The following PDE4C variants were observed in gnomAD, a reference collection of about 807,000 sequenced individuals.
The protein encoded by PDE4C is 3',5'-cyclic-AMP phosphodiesterase 4C.
Under a neutral mutation model 63.9 loss-of-function variants are expected in PDE4C, and 50 were observed. The ratio of observed to expected loss-of-function variants is 0.78; its 90% confidence interval spans 0.62 to 0.99. The LOEUF is 0.99. Among genes scored for constraint, PDE4C ranks in the 50% least tolerant of loss-of-function variants. The pLI, the probability that PDE4C is intolerant of heterozygous loss-of-function variation, is 0.00. For missense variants in PDE4C, 777 were observed against 899.1 expected, an observed-to-expected ratio of 0.86 and a Z score of 1.74; for synonymous variants, 377 against 385.1, an observed-to-expected ratio of 0.98 and a Z score of 0.25.
At chr19:18,231,930 G>C (rs1192573039) in intron 1 of PDE4C, among the ~76,000 whole-genome samples, 1 of 151,906 alleles carries the variant, frequency 6.6e-6, no homozygotes, top group African/African-American at 2.4e-5. Context: ...GAAACTTCCT[G>C]TGCACGAGCT....
chr19:18,212,371 C>A (rs924177909), intron 13 of PDE4C, among the ~76,000 whole-genome samples: 1 of 151,600 alleles, frequency 6.6e-6, no homozygotes, highest in Admixed American at 6.6e-5. Flanking sequence ...TTTGTAGAGA[C>A]GGGGTGTTGC....
chr19:18,244,072 C>A (rs1170311031), intron 1 of PDE4C, among the ~76,000 whole-genome samples: 1 of 151,810 alleles, frequency 6.6e-6, no homozygotes, highest in African/African-American at 2.4e-5. Context: ...CAGGGTTTCA[C>A]CCTGTTGGCC....
At chr19:18,218,089 T>C in intron 11 of PDE4C, 60 bp downstream of exon 11, 1 of 1,272,880 alleles carries the variant, frequency 7.9e-7, no homozygotes, top group Non-Finnish European at 1.1e-6. Flanking sequence ...GATCACCTGG[T>C]GGACAGGGTG....
At chr19:18,214,230 G>A (rs868197989) in intron 12 of PDE4C, among the ~76,000 whole-genome samples, 16 of 149,280 alleles carry the variant, frequency 1.1e-4, no homozygotes, top group African/African-American at 1.7e-4. Flanking sequence ...AGATCTGGGC[G>A]ACAGAGCAAG....
In PDE4C at chr19:18,218,035, CAT is replaced by C; in HGVS notation, c.1234+112_1234+113del. ...GGAGGGAAAACTGTCATAGTCATTT[CAT>C]AGACAGGGAGACTGGGCTCAGGGCA... On this transcript the variant is annotated intron_variant, in intron 11 of 14. Transcript: ENST00000262805. 5.1e-6 allele frequency: 4 copies of C among 788,946 alleles called. No homozygotes were observed. The East Asian group carries it at 7.4e-5, about 15-fold the overall frequency. 48.9% of individuals were successfully genotyped at this position (788,946 alleles called of 1,614,324 possible).
At chr19:18,224,296 C>A in intron 1 of PDE4C, 1 of 985,468 alleles carries the variant, frequency 1.0e-6, no homozygotes, top group South Asian at 4.7e-5. Context: ...CAACCGGGAC[C>A]GCCTGAGACT....
intron 1 of PDE4C, among the ~76,000 whole-genome samples, chr19:18,239,390 T>C (rs1474369520): frequency 6.6e-6 from 1 of 152,188 alleles, no homozygotes; most frequent in African/African-American, 2.4e-5. Flanking sequence ...GTGTGAGCTC[T>C]TCAGCGCAAC....
At chr19:18,233,295 G>C in exon 1 of PDE4C, 1 of 1,491,396 alleles carries the variant, frequency 6.7e-7, no homozygotes, top group Non-Finnish European at 9.0e-7. Flanking sequence ...CGGGAGTGGA[G>C]GCGACAGCGA....
intron 1 of PDE4C, among the ~76,000 whole-genome samples, chr19:18,232,317 C>T (rs181576240): frequency 6.6e-6 from 1 of 151,610 alleles, no homozygotes; most frequent in East Asian, 1.9e-4. Context: ...GAGCCATGAT[C>T]GAGACACTGC....
chr19:18,233,648 G>A (rs1968898717), exon 1 of PDE4C: 1 of 384,128 alleles, frequency 2.6e-6, no homozygotes, highest in Admixed American at 3.5e-5. Context: ...CTCGCACCGT[G>A]TTGAAAGAGA....
At chr19:18,243,513 G>GGA (rs1969078861) in intron 1 of PDE4C, among the ~76,000 whole-genome samples, 1 of 151,848 alleles carries the variant, frequency 6.6e-6, no homozygotes, top group African/African-American at 2.4e-5. Context: ...AAAATTGGGG[G>GGA]AAGCACCAGG....
intron 12 of PDE4C, 95 bp downstream of exon 12, chr19:18,216,646 G>T: frequency 7.9e-7 from 1 of 1,266,766 alleles, no homozygotes; most frequent in Non-Finnish European, 1.1e-6. Flanking sequence ...TGAACCGCCG[G>T]CCATGCCAAT....
Position 18,220,955 on chromosome 19 carries a change from C to T in PDE4C, c.450-32G>A, listed in dbSNP as rs768686893. 1 of 1,584,278 alleles carries T rather than the reference C, an allele frequency of 6.3e-7. No individual in the cohort carries two copies. Among genetic ancestry groups the T allele is most frequent in the Non-Finnish European group, 8.6e-7 (1 of 1,166,938 alleles). ...TACAGCAGCCTCAGGCGTGGCTGCTCCGCCCATCTCGCCCCGCCCCCAAGT... is the reference window on the plus strand; with the variant it reads ...TACAGCAGCCTCAGGCGTGGCTGCTTCGCCCATCTCGCCCCGCCCCCAAGT... On this transcript the variant is annotated intron_variant, in intron 4 of 14. Transcript: ENST00000262805. The surrounding 1 kb of genome is among the most constrained non-coding windows in gnomAD (Gnocchi z 5.1).
intron 1 of PDE4C, 146 bp from the exon 2 acceptor site, chr19:18,222,469 A>T: frequency 1.6e-6 from 1 of 639,184 alleles, no homozygotes; most frequent in South Asian, 1.9e-5. Flanking sequence ...CCCCAGCTAC[A>T]CCCTCAGGAA....
Position 18,220,764 on chromosome 19 carries a change from G to T in PDE4C, c.499+110C>A. ...CGAGGGCGTTATTGTTTTTGCAGGG[G>T]CGGGGCTACAATTAGCCCCAGTATA... On this transcript the variant is annotated intron_variant, in intron 5 of 14. Transcript: ENST00000262805. This position sits in a 1 kb window ranked among gnomAD's most constrained non-coding sequence, Gnocchi z 5.1. 1.9e-6 allele frequency: 2 copies of T among 1,077,664 alleles called. No individual in the cohort carries two copies. 66.8% of individuals were successfully genotyped at this position (1,077,664 alleles called of 1,614,324 possible).
chr19:18,214,777 C>T (rs1968117245), intron 12 of PDE4C, among the ~76,000 whole-genome samples: 1 of 151,834 alleles, frequency 6.6e-6, no homozygotes, highest in Admixed American at 6.6e-5. Flanking sequence ...GGTGAAACCC[C>T]GTCTCCACTA....
At chr19:18,245,921 A>G (rs964228150) in intron 1 of PDE4C, among the ~76,000 whole-genome samples, 2 of 150,604 alleles carry the variant, frequency 1.3e-5, no homozygotes, top group Non-Finnish European at 3.0e-5. Context: ...TCAGCTCACT[A>G]CAAACTTCAC....
At chr19:18,252,644 G>A (rs747428487), upstream of PDE4C, among the ~76,000 whole-genome samples, 14 of 150,100 alleles carry the variant, frequency 9.3e-5, no homozygotes, top group South Asian at 6.3e-4. Context: ...TTGAGATGGC[G>A]TCTCGCTCTG....
At chr19:18,216,667 C>T (rs1968207527) in intron 12 of PDE4C, 74 bp downstream of exon 12, 2 of 1,435,008 alleles carry the variant, frequency 1.4e-6, no homozygotes, top group Admixed American at 2.1e-5. Context: ...ATCACCCCAC[C>T]CTGCTGTCTG....
Sources: gnomAD v4.1 joint callset for allele counts (sites outside exome capture counted in the v4.1 genomes callset) on GRCh38, gnomAD v4.1.1 for gene constraint, Gnocchi (gnomAD v3.1) non-coding constraint, MANE v1.5 for transcripts, NCBI Gene and HGNC (gene_info 2026-07-23, HGNC 2026-07-21) for gene names.